The following DAB1 variants were observed in gnomAD, a reference collection of about 807,000 sequenced individuals.
DAB1 encodes the protein disabled homolog 1.
Under a neutral mutation model 64.6 loss-of-function variants are expected in DAB1, and 15 were observed. The ratio of observed to expected loss-of-function variants is 0.23; its 90% confidence interval spans 0.16 to 0.36. DAB1 has a LOEUF of 0.36. Ranked by LOEUF, DAB1 falls within the 10% of genes least tolerant of loss-of-function variation. The probability of loss-of-function intolerance (pLI) is 1.00; values close to 1 mark genes in which losing one functional copy is unlikely to be tolerated. For missense variants in DAB1, 596 were observed against 706.7 expected (o/e 0.84, Z 1.78); for synonymous variants, 235 against 251.9 (o/e 0.93, Z 0.64).
Position 57,011,188 on chromosome 1 carries a change from T to A in DAB1, c.1529A>T (p.Glu510Val). ...TTTGCTGGGACTTTCAAAGCCCTCT[T>A]CAAAGATGTCATCTGTGGTAGGATC... is the stretch of plus-strand genomic sequence containing the variant. ...ASDPTTDDIF[E>V]EGFESPSKSE... The change falls in exon 13 of 15, where the codon GAA becomes GTA. Residue 510 changes from glutamate (E) to valine (V), a missense_variant. Glu to Val is a moderately radical substitution (Grantham distance 121, BLOSUM62 -2). This residue lies in a region of DAB1 where 377 missense variants were observed against 400.4 expected (regional missense o/e 0.94). Transcript: ENST00000371236. 1.2e-6 allele frequency: 2 copies of A among 1,614,072 alleles called. No individual in the cohort carries two copies. Among genetic ancestry groups the A allele is most frequent in the Non-Finnish European group, 1.7e-6 (2 of 1,179,918 alleles).
At chr1:58,295,446 G>A (rs1325710337) in intron 4 of DAB1, among the ~76,000 whole-genome samples, 1 of 152,042 alleles carries the variant, frequency 6.6e-6, no homozygotes, top group Non-Finnish European at 1.5e-5. Context: ...AACCCTCTCT[G>A]TCAATTCTAG....
intron 5 of DAB1, among the ~76,000 whole-genome samples, chr1:57,899,598 G>A (rs928244815): frequency 2.6e-5 from 4 of 151,884 alleles, no homozygotes; most frequent in African/African-American, 7.3e-5. Context: ...AAACATGCAC[G>A]GACCATCACC....
At chr1:57,242,052 T>C (rs1053060589) in intron 2 of DAB1, among the ~76,000 whole-genome samples, 3 of 152,162 alleles carry the variant, frequency 2.0e-5, no homozygotes, top group Non-Finnish European at 4.4e-5. Flanking sequence ...ATGACAACCA[T>C]ATGGTTTTAG....
chr1:57,377,838 G>C (rs943258625), intron 1 of DAB1, among the ~76,000 whole-genome samples: 15 of 152,140 alleles, frequency 9.9e-5, no homozygotes, highest in African/African-American at 3.6e-4. Context: ...TAACCCTGGG[G>C]GAGCTGTTAC....
chr1:57,065,052 C>T (rs545037766), intron 8 of DAB1, among the ~76,000 whole-genome samples: 1 of 152,170 alleles, frequency 6.6e-6, no homozygotes, highest in Non-Finnish European at 1.5e-5. Flanking sequence ...TGAACCGCAG[C>T]TGCCTCTCAA....
intron 1 of DAB1, among the ~76,000 whole-genome samples, chr1:57,848,859 G>T (rs1306781351): frequency 6.6e-6 from 1 of 152,080 alleles, no homozygotes; most frequent in African/African-American, 2.4e-5. Flanking sequence ...TTTCAAAGGG[G>T]GTGCTGATGA....
intron 3 of DAB1, among the ~76,000 whole-genome samples, chr1:58,377,912 C>T (rs143966043): frequency 0.05 from 6,960 of 140,142 alleles, 1,030 homozygotes; most frequent in East Asian, 0.19. Context: ...CTTCCCTTCT[C>T]GCTTCATTTC....
intron 5 of DAB1, among the ~76,000 whole-genome samples, chr1:57,974,652 C>T (rs1216793258): frequency 6.6e-6 from 1 of 152,108 alleles, no homozygotes; most frequent in Non-Finnish European, 1.5e-5. Flanking sequence ...AAGCCACTGA[C>T]TTAAACACCT....
intron 6 of DAB1, among the ~76,000 whole-genome samples, chr1:57,716,351 T>C (rs942927749): frequency 1.3e-5 from 2 of 152,200 alleles, no homozygotes; most frequent in Non-Finnish European, 2.9e-5. Flanking sequence ...ATTACAAAAC[T>C]ATAGTGCCAA....
chr1:57,248,156 T>C (rs659069), intron 2 of DAB1, among the ~76,000 whole-genome samples: 88,709 of 151,712 alleles, frequency 0.58, 26,117 homozygotes, highest in Admixed American at 0.66. Context: ...TCTAGATCAC[T>C]TATAACAATG....
chr1:58,457,399 C>T (rs1291647340), intron 3 of DAB1, among the ~76,000 whole-genome samples: 1 of 151,990 alleles, frequency 6.6e-6, no homozygotes, highest in South Asian at 2.1e-4. Context: ...CTGGCCACCT[C>T]CTCATGTCTA....
In DAB1 at chr1:58,325,297, C is replaced by T. The variant is rs1569644416; in HGVS notation, n.309+18055G>A. On this transcript the variant is annotated intron_variant and non_coding_transcript_variant, in intron 4 of 20. Coordinates refer to the DAB1 transcript ENST00000485760. ...TTTGACTTTTATCATTTTTTAAAAT[C>T]AGAGCTAGTATTTCTTTGTAATTAT... 2.6e-5 allele frequency among the ~76,000 whole-genome samples: 4 copies of T among 152,320 alleles called. No individual in the cohort carries two copies. The South Asian group carries it at 8.3e-4, about 32-fold the overall frequency.
At chr1:58,261,708 T>G (rs1218950437) in intron 4 of DAB1, among the ~76,000 whole-genome samples, 2 of 152,004 alleles carry the variant, frequency 1.3e-5, no homozygotes, top group Non-Finnish European at 2.9e-5. Flanking sequence ...ATCAATTTGT[T>G]TTTTTGTTTT....
Position 57,905,697 on chromosome 1 carries a change from G to A in DAB1, n.388-21535C>T, listed in dbSNP as rs571458340. On this transcript the variant is annotated intron_variant and non_coding_transcript_variant, in intron 5 of 20. Transcript: ENST00000485760. ...ATCCACCACCATGAAGTGAGTGTAG[G>A]TGGAGAAAAGTGGAAGATTCAGTAT... Among the ~76,000 whole-genome samples the A allele has an allele frequency of 1.6e-4, 24 of 152,192 alleles. 2 individuals carry two copies. In the South Asian group the frequency reaches 4.4e-3, roughly 28 times the overall value.
At chr1:57,569,215 C>A (rs1183227458) in intron 7 of DAB1, among the ~76,000 whole-genome samples, 1 of 138,010 alleles carries the variant, frequency 7.2e-6, no homozygotes, top group East Asian at 2.2e-4. Context: ...GCCGAGATTG[C>A]GCCACTGCAC....
chr1:58,546,353 G>A (rs1393859101), intron 1 of DAB1, among the ~76,000 whole-genome samples: 3 of 152,210 alleles, frequency 2.0e-5, no homozygotes, highest in Non-Finnish European at 4.4e-5. Context: ...CGGAGCCGCG[G>A]ATAAGGGCGG....
chr1:57,941,793 C>T lies in DAB1; in HGVS notation n.388-57631G>A, dbSNP rs148323210. 8.6e-3 allele frequency among the ~76,000 whole-genome samples: 1,312 copies of T among 152,148 alleles called. 16 individuals are homozygous for T. Among genetic ancestry groups the T allele is most frequent in the African/African-American group, 0.03 (1,243 of 41,494 alleles). Reference sequence around the variant, plus strand: ...GAGGTTGCAGTGAGCTGAAATTGCACCACTGCACTCCAGCCTGGGCGACAG... The same window carrying T: ...GAGGTTGCAGTGAGCTGAAATTGCATCACTGCACTCCAGCCTGGGCGACAG... On this transcript the variant is annotated intron_variant and non_coding_transcript_variant, in intron 5 of 20. Transcript: ENST00000485760.
chr1:58,091,798 A>G (rs1296529665), intron 5 of DAB1, among the ~76,000 whole-genome samples: 2 of 152,038 alleles, frequency 1.3e-5, no homozygotes, highest in African/African-American at 2.4e-5. Context: ...TTTTCTACCT[A>G]TTGACCTGAG....
At chr1:58,211,626 T>C (rs1241895033) in intron 4 of DAB1, among the ~76,000 whole-genome samples, 1 of 152,178 alleles carries the variant, frequency 6.6e-6, no homozygotes, top group East Asian at 1.9e-4. Context: ...AAGATAATGT[T>C]TTCCATTGCC....
Sources: allele counts gnomAD v4.1 joint callset (sites outside exome capture counted in the v4.1 genomes callset), GRCh38; gene constraint gnomAD v4.1.1; regional missense constraint gnomAD v4.1.1; transcripts MANE v1.5; gene names NCBI Gene and HGNC (gene_info 2026-07-23, HGNC 2026-07-21).